The following TFEC variants were observed in gnomAD, a reference collection of about 807,000 sequenced individuals.
The protein encoded by TFEC is transcription factor EC, also known as class E basic helix-loop-helix protein 34.
In TFEC, 31 loss-of-function variants were observed where a neutral mutation model predicts 41.6. The ratio of observed to expected loss-of-function variants is 0.74; its 90% confidence interval spans 0.56 to 1.01. The LOEUF (loss-of-function observed/expected upper bound fraction) is 1.01, where lower values mean the gene tolerates loss of function less well. Ranked by LOEUF, TFEC falls within the 50% of genes least tolerant of loss-of-function variation. The pLI is 0.00. For synonymous variants in TFEC, 143 were observed against 140.6 expected (o/e 1.02, Z -0.12); for missense variants, 402 against 404.1 (o/e 0.99, Z 0.04).
At chr7:116,103,829 A>C (rs1427676260) in intron 3 of TFEC, among the ~76,000 whole-genome samples, 1 of 152,206 alleles carries the variant, frequency 6.6e-6, no homozygotes, top group Non-Finnish European at 1.5e-5. Context: ...AATCTAAAGA[A>C]GTATTTTTTA....
At chr7:115,957,692 T>C (rs749314600) in intron 3 of TFEC, among the ~76,000 whole-genome samples, 5 of 151,844 alleles carry the variant, frequency 3.3e-5, no homozygotes, top group Admixed American at 6.6e-5. Flanking sequence ...TTCTGTGCAA[T>C]AAACCAAGAG....
intron 3 of TFEC, among the ~76,000 whole-genome samples, chr7:115,968,680 G>C: frequency 6.6e-6 from 1 of 151,864 alleles, no homozygotes; most frequent in East Asian, 1.9e-4. Flanking sequence ...CAGATGATAA[G>C]ATCTGTCTCA....
At chr7:116,105,576 G>T (rs993615082) in intron 3 of TFEC, among the ~76,000 whole-genome samples, 1 of 152,178 alleles carries the variant, frequency 6.6e-6, no homozygotes, top group Admixed American at 6.5e-5. Flanking sequence ...CTCCAGATCC[G>T]TTGGCATTGA....
intron 1 of TFEC, among the ~76,000 whole-genome samples, chr7:116,133,493 G>A (rs1174520045): frequency 2.7e-5 from 4 of 150,222 alleles, no homozygotes; most frequent in East Asian, 2.0e-4. Context: ...CTGAGATCAC[G>A]CCCCTGCACT....
chr7:116,139,397 G>A (rs149379966), intron 1 of TFEC, among the ~76,000 whole-genome samples: 112 of 152,194 alleles, frequency 7.4e-4, no homozygotes, highest in African/African-American at 2.0e-3. Flanking sequence ...CATTCTCACC[G>A]CTTCTCAACC....
At chr7:115,956,611 A>G in intron 4 of TFEC, 68 bp downstream of exon 4, 1 of 1,055,362 alleles carries the variant, frequency 9.5e-7, no homozygotes, top group Non-Finnish European at 1.3e-6. Context: ...AGTTAGCACA[A>G]TATATGTCAC....
intron 1 of TFEC, among the ~76,000 whole-genome samples, chr7:116,152,512 CA>C (rs1346042215): frequency 6.6e-6 from 1 of 152,098 alleles, no homozygotes; most frequent in Non-Finnish European, 1.5e-5. Flanking sequence ...TGTGTGTAAG[CA>C]AACTACATGA....
At chr7:115,946,761 C>T (rs1036977529) in intron 6 of TFEC, among the ~76,000 whole-genome samples, 3 of 149,746 alleles carry the variant, frequency 2.0e-5, no homozygotes, top group Non-Finnish European at 3.0e-5. Context: ...ATCTTGAACT[C>T]CCGGCCTCAA....
intron 5 of TFEC, among the ~76,000 whole-genome samples, chr7:115,951,208 A>G (rs1791922702): frequency 6.6e-6 from 1 of 152,136 alleles, no homozygotes. Flanking sequence ...TTAAAATACT[A>G]TAATACTCAT....
chr7:115,943,999 T>C (rs1028133957), intron 6 of TFEC, among the ~76,000 whole-genome samples: 2 of 146,110 alleles, frequency 1.4e-5, no homozygotes, highest in Non-Finnish European at 3.0e-5. Context: ...AAAATAATAC[T>C]ATGACAGGTC....
At chr7:115,992,256 A>G (rs1168207763) in intron 1 of TFEC, among the ~76,000 whole-genome samples, 1 of 152,258 alleles carries the variant, frequency 6.6e-6, no homozygotes, top group African/African-American at 2.4e-5. Flanking sequence ...AGAGAGCAGG[A>G]AAGATCTAAA....
intron 1 of TFEC, among the ~76,000 whole-genome samples, chr7:116,112,546 C>T (rs1389700438): frequency 6.6e-6 from 1 of 151,896 alleles, no homozygotes; most frequent in Non-Finnish European, 1.5e-5. Context: ...GTACACATGA[C>T]AATTGGTGCC....
chr7:116,069,704 T>G lies in TFEC; in HGVS notation c.198+41004A>C, dbSNP rs1402996585. 2.0e-5 allele frequency among the ~76,000 whole-genome samples: 3 copies of G among 151,684 alleles called. No individual in the cohort carries two copies. In the East Asian group the frequency reaches 5.8e-4, roughly 29 times the overall value. On this transcript the variant is annotated intron_variant, in intron 3 of 8. Coordinates refer to the TFEC transcript ENST00000484212. ...AGTAGTTGAGCAATCTTCCCACTTT[T>G]CTCCTTCCCACTGTCCCTGCTTTAG...
intron 1 of TFEC, among the ~76,000 whole-genome samples, chr7:116,140,071 G>C (rs1161091708): frequency 6.6e-6 from 1 of 152,222 alleles, no homozygotes; most frequent in Non-Finnish European, 1.5e-5. Context: ...GTTAAGCATA[G>C]CAGATGAAGC....
chr7:116,137,371 C>T (rs1469421648), intron 1 of TFEC, among the ~76,000 whole-genome samples: 1 of 152,120 alleles, frequency 6.6e-6, no homozygotes, highest in Non-Finnish European at 1.5e-5. Flanking sequence ...AAGAAATAAA[C>T]ACACACAGTG....
At chr7:116,151,231 A>G (rs1311409965) in intron 1 of TFEC, among the ~76,000 whole-genome samples, 1 of 149,140 alleles carries the variant, frequency 6.7e-6, no homozygotes, top group African/African-American at 2.5e-5. Context: ...CTTTGATATT[A>G]TGTCAGATTT....
At chr7:115,981,646 G>A (rs1793635694) in intron 2 of TFEC, among the ~76,000 whole-genome samples, 1 of 152,206 alleles carries the variant, frequency 6.6e-6, no homozygotes, top group South Asian at 2.1e-4. Context: ...CATGTGCTGT[G>A]AGAATGCCAT....
chr7:115,992,788 G>A (rs996894637), intron 1 of TFEC, among the ~76,000 whole-genome samples: 1 of 152,104 alleles, frequency 6.6e-6, no homozygotes, highest in Non-Finnish European at 1.5e-5. Context: ...AAGAGGAGCT[G>A]GTACCATTCC....
intron 3 of TFEC, among the ~76,000 whole-genome samples, chr7:116,086,030 C>T (rs937036109): frequency 2.0e-5 from 3 of 151,714 alleles, no homozygotes; most frequent in Non-Finnish European, 4.4e-5. Flanking sequence ...GTTGTCTATT[C>T]CTCATTTTTA....
Sources: allele counts gnomAD v4.1 joint callset (sites outside exome capture counted in the v4.1 genomes callset), GRCh38; gene constraint gnomAD v4.1.1; transcripts MANE v1.5; gene names NCBI Gene and HGNC (gene_info 2026-07-23, HGNC 2026-07-21).